MYOF: variants seen among roughly 807,000 people sequenced by gnomAD.
MYOF encodes fer-1-like 3, myoferlin.
A neutral mutation model predicts 284.2 loss-of-function variants in MYOF; 244 were observed. That is an observed-to-expected ratio of 0.86 (90% CI 0.77 to 0.95). The LOEUF (loss-of-function observed/expected upper bound fraction) is 0.95, where lower values mean the gene tolerates loss of function less well. MYOF is among the 40% of genes least tolerant of loss of function. MYOF has a pLI of 0.00. For missense variants in MYOF, 2,496 were observed against 2,560.6 expected (o/e 0.97, Z 0.54); for synonymous variants, 904 against 919.7 (o/e 0.98, Z 0.31).
intron 17 of MYOF, among the ~76,000 whole-genome samples, chr10:93,391,451 C>G (rs1476090850): frequency 6.6e-6 from 1 of 152,044 alleles, no homozygotes; most frequent in Non-Finnish European, 1.5e-5. Flanking sequence ...AAAAATTAGC[C>G]AGGCATGGTG....
intron 12 of MYOF, among the ~76,000 whole-genome samples, 175 bp from the exon 13 acceptor site, chr10:93,399,670 A>G (rs45604839): frequency 0.075 from 11,481 of 152,260 alleles, 545 homozygotes; most frequent in African/African-American, 0.12. Flanking sequence ...TCAGAAGAGC[A>G]AGGCCATCCT....
At chr10:93,420,397 T>C (rs973896132) in intron 5 of MYOF, among the ~76,000 whole-genome samples, 7 of 152,312 alleles carry the variant, frequency 4.6e-5, no homozygotes, top group Admixed American at 2.0e-4. Flanking sequence ...CCCTCTGTCA[T>C]GGGAACAGTC....
At chr10:93,329,903 G>C in intron 43 of MYOF, 69 bp from the exon 44 acceptor site, 1 of 1,518,766 alleles carries the variant, frequency 6.6e-7, no homozygotes, top group Non-Finnish European at 9.1e-7. Flanking sequence ...CTGGGGCTCT[G>C]TGCACAGAAT....
chr10:93,465,077 C>T (rs772596865), intron 1 of MYOF, among the ~76,000 whole-genome samples: 31 of 152,200 alleles, frequency 2.0e-4, no homozygotes, highest in Non-Finnish European at 4.0e-4. Flanking sequence ...GATTCTCTCA[C>T]TTAATCTTCA....
At chr10:93,397,523 G>T in intron 13 of MYOF, 67 bp from the exon 14 acceptor site, 1 of 1,166,098 alleles carries the variant, frequency 8.6e-7, no homozygotes, top group Non-Finnish European at 1.2e-6. Context: ...TACAATCTAT[G>T]CATACTAGAT....
intron 39 of MYOF, 54 bp from the exon 40 acceptor site, chr10:93,337,967 G>A (rs775246820): frequency 1.5e-5 from 20 of 1,301,290 alleles, no homozygotes; most frequent in African/African-American, 8.8e-5. Context: ...ATTTCCAATC[G>A]ATGCAGGAAA....
intron 4 of MYOF, 131 bp from the exon 5 acceptor site, chr10:93,426,289 T>A: frequency 1.2e-6 from 1 of 843,272 alleles, no homozygotes; most frequent in Non-Finnish European, 1.8e-6. Flanking sequence ...TAAGCGAGGC[T>A]GGAAACGGGG....
chr10:93,412,849 G>A (rs1847956861), intron 5 of MYOF, among the ~76,000 whole-genome samples: 1 of 152,190 alleles, frequency 6.6e-6, no homozygotes, highest in South Asian at 2.1e-4. Flanking sequence ...GATGGCTGAA[G>A]GGGTGCTCCT....
At chr10:93,439,637 T>A (rs985238449) in intron 3 of MYOF, among the ~76,000 whole-genome samples, 16 of 152,236 alleles carry the variant, frequency 1.1e-4, no homozygotes, top group African/African-American at 3.1e-4. Flanking sequence ...TTCAGTTTCC[T>A]CATCTATAAA....
At chr10:93,410,657 C>G (rs915441931) in intron 5 of MYOF, among the ~76,000 whole-genome samples, 1 of 152,208 alleles carries the variant, frequency 6.6e-6, no homozygotes, top group African/African-American at 2.4e-5. Flanking sequence ...CGCTGACAAA[C>G]TTTAGCTTTT....
chr10:93,313,285 T>C, intron 50 of MYOF, 75 bp from the exon 51 acceptor site: 2 of 1,435,574 alleles, frequency 1.4e-6, no homozygotes, highest in Non-Finnish European at 1.9e-6. Flanking sequence ...AACAGAACGT[T>C]CTTATCAGGA....
At position 93,392,920 on chromosome 10, in the gene MYOF, T is replaced by A; in HGVS notation, c.1453A>T (p.Thr485Ser). The change falls in exon 17 of 54, where the codon ACA becomes TCA. Residue 485 changes from threonine (T) to serine (S), a missense_variant. Transcript: ENST00000359263. The part of the protein sequence containing the change: ...SSSGTGAASY[T>S]VNTGETEVGF... ...AGCAAAATTACGAAGCATAAACCTGTATATGATGCAGCCCCAGTTCCCGAA... is the reference window on the plus strand; with the variant it reads ...AGCAAAATTACGAAGCATAAACCTGAATATGATGCAGCCCCAGTTCCCGAA... The A allele has an allele frequency of 1.9e-6, 3 of 1,611,742 alleles. No homozygotes were observed. Among genetic ancestry groups the A allele is most frequent in the Non-Finnish European group, 2.5e-6 (3 of 1,177,942 alleles).
chr10:93,462,095 CTT>C (rs11378680), intron 1 of MYOF, among the ~76,000 whole-genome samples: 12 of 145,368 alleles, frequency 8.3e-5, no homozygotes, highest in Non-Finnish European at 1.4e-4. Flanking sequence ...AGCCCCCCAC[CTT>C]TTTTTTTTTT....
At chr10:93,389,299 G>A (rs1846557676) in intron 17 of MYOF, 145 bp from the exon 18 acceptor site, 3 of 850,870 alleles carry the variant, frequency 3.5e-6, no homozygotes, top group African/African-American at 3.5e-5. Flanking sequence ...GCACCATGAG[G>A]TTTGCCATAT....
chr10:93,316,243 G>A (rs1842605444), intron 50 of MYOF, among the ~76,000 whole-genome samples: 1 of 152,080 alleles, frequency 6.6e-6, no homozygotes, highest in Admixed American at 6.6e-5. Context: ...CGAGGGAGGA[G>A]TGTGCCAGGA....
chr10:93,372,211 A>G (rs2133967766), intron 24 of MYOF, among the ~76,000 whole-genome samples: 1 of 152,242 alleles, frequency 6.6e-6, no homozygotes, highest in African/African-American at 2.4e-5. Flanking sequence ...TTGGCCAGAG[A>G]GATGACGTCA....
intron 1 of MYOF, among the ~76,000 whole-genome samples, chr10:93,467,764 C>G (rs933803982): frequency 6.6e-6 from 1 of 152,162 alleles, no homozygotes; most frequent in Admixed American, 6.5e-5. Flanking sequence ...GAAAATGTGG[C>G]ACATATATGC....
At chr10:93,310,426 C>A in intron 52 of MYOF, 108 bp downstream of exon 52, 1 of 1,147,928 alleles carries the variant, frequency 8.7e-7, no homozygotes, top group Non-Finnish European at 1.2e-6. Flanking sequence ...CTATTAAATA[C>A]CAGATTAGGA....
chr10:93,362,933 T>A (rs1362716342), intron 27 of MYOF, among the ~76,000 whole-genome samples: 1 of 152,172 alleles, frequency 6.6e-6, no homozygotes, highest in African/African-American at 2.4e-5. Flanking sequence ...AATGCAAGGA[T>A]CTTCCCTACA....
Sources: gnomAD v4.1 joint callset for allele counts (sites outside exome capture counted in the v4.1 genomes callset) on GRCh38, gnomAD v4.1.1 for gene constraint, MANE v1.5 for transcripts, NCBI Gene and HGNC (gene_info 2026-07-23, HGNC 2026-07-21) for gene names.